CAMKMT: variants seen among roughly 807,000 people sequenced by gnomAD.
CAMKMT encodes calmodulin-lysine N-methyltransferase.
In CAMKMT, 53 loss-of-function variants were observed where a neutral mutation model predicts 48.0. That is an observed-to-expected ratio of 1.10 (90% CI 0.89 to 1.39). The LOEUF is 1.39. Ranked by LOEUF, CAMKMT falls within the 40% of genes most tolerant of loss-of-function variation. CAMKMT has a pLI of 0.00. For missense variants in CAMKMT, 428 were observed against 402.7 expected (o/e 1.06, Z -0.54); for synonymous variants, 165 against 152.3 (o/e 1.08, Z -0.61).
chr2:44,632,365 T>A (rs1368106473), intron 3 of CAMKMT, among the ~76,000 whole-genome samples: 1 of 152,208 alleles, frequency 6.6e-6, no homozygotes, highest in Non-Finnish European at 1.5e-5. Context: ...CACTTTTCTC[T>A]GGATAAATTA....
intron 3 of CAMKMT, among the ~76,000 whole-genome samples, chr2:44,439,635 G>A (rs1479711170): frequency 2.0e-5 from 3 of 151,816 alleles, no homozygotes; most frequent in Non-Finnish European, 2.9e-5. Context: ...TCAGGAGATC[G>A]AGACCATCCT....
intron 3 of CAMKMT, among the ~76,000 whole-genome samples, chr2:44,397,650 G>C (rs556810291): frequency 1.3e-5 from 2 of 152,052 alleles, no homozygotes; most frequent in South Asian, 4.2e-4. Flanking sequence ...TCAATTACCA[G>C]AGAAGGAAAA....
intron 3 of CAMKMT, among the ~76,000 whole-genome samples, chr2:44,603,265 T>A (rs1389654321): frequency 6.6e-6 from 1 of 151,002 alleles, no homozygotes; most frequent in African/African-American, 2.5e-5. Context: ...TATTTTGTAT[T>A]TTTTTAGTAG....
intron 3 of CAMKMT, among the ~76,000 whole-genome samples, chr2:44,498,717 T>A (rs1411816483): frequency 2.0e-5 from 3 of 152,204 alleles, no homozygotes; most frequent in African/African-American, 7.2e-5. Context: ...AATTGTTGAT[T>A]TCAGTGATTT....
chr2:44,405,899 T>C (rs1682744025), intron 3 of CAMKMT, among the ~76,000 whole-genome samples: 2 of 152,198 alleles, frequency 1.3e-5, no homozygotes, highest in Admixed American at 1.3e-4. Context: ...AAGGAGACTT[T>C]GGCCTTTTAT....
intron 3 of CAMKMT, among the ~76,000 whole-genome samples, chr2:44,665,945 A>G (rs981553800): frequency 7.9e-5 from 12 of 152,224 alleles, no homozygotes; most frequent in Non-Finnish European, 1.6e-4. Flanking sequence ...AGGTGGCCAA[A>G]TCACTCACCC....
chr2:44,422,723 C>G lies in CAMKMT; in HGVS notation c.376+32418C>G, dbSNP rs1036040133. On this transcript the variant is annotated intron_variant, in intron 3 of 10. Transcript: ENST00000378494. ...TTTTTTTTTTTTAATTTTCAAACAT[C>G]TCAACAGCCAGATGGAGCATAAATT... Among the ~76,000 whole-genome samples, 4 of 151,116 alleles carry G rather than the reference C, an allele frequency of 2.6e-5. No homozygotes were observed. The East Asian group carries it at 7.8e-4, about 29-fold the overall frequency.
intron 3 of CAMKMT, among the ~76,000 whole-genome samples, chr2:44,697,961 T>A (rs1293976288): frequency 6.6e-6 from 1 of 152,174 alleles, no homozygotes; most frequent in Non-Finnish European, 1.5e-5. Flanking sequence ...GAAAGGGGCT[T>A]GGTGCTACTG....
chr2:44,386,991 C>A (rs184520555), intron 2 of CAMKMT, among the ~76,000 whole-genome samples: 32 of 152,166 alleles, frequency 2.1e-4, no homozygotes, highest in African/African-American at 7.5e-4. Flanking sequence ...GTTTATTCTG[C>A]AGTTGTTGGA....
In CAMKMT at chr2:44,593,856, C is replaced by T. The variant is rs934786081; in HGVS notation, c.377-110427C>T. 1.4e-4 allele frequency among the ~76,000 whole-genome samples: 21 copies of T among 151,224 alleles called. No individual in the cohort carries two copies. The South Asian group carries it at 2.3e-3, about 17-fold the overall frequency. Reference sequence around the variant, plus strand: ...TCAGCTCACCACAACCTCTGCCTCCCGGGTTCAAGCGATTCTCCTGCCTCA... The same window carrying T: ...TCAGCTCACCACAACCTCTGCCTCCTGGGTTCAAGCGATTCTCCTGCCTCA... On this transcript the variant is annotated intron_variant, in intron 3 of 10. Coordinates refer to ENST00000378494, the MANE Select transcript of CAMKMT (RefSeq NM_024766.5).
At chr2:44,645,850 A>C (rs1673701469) in intron 3 of CAMKMT, among the ~76,000 whole-genome samples, 1 of 152,172 alleles carries the variant, frequency 6.6e-6, no homozygotes, top group East Asian at 1.9e-4. Flanking sequence ...TCAAAATCTA[A>C]GTCTAAGATA....
At chr2:44,462,121 C>T (rs974306550) in intron 3 of CAMKMT, among the ~76,000 whole-genome samples, 1 of 151,952 alleles carries the variant, frequency 6.6e-6, no homozygotes, top group Non-Finnish European at 1.5e-5. Flanking sequence ...GGGGCTTTCT[C>T]CTGTACATGG....
At chr2:44,384,015 G>C (rs1184568329) in intron 2 of CAMKMT, among the ~76,000 whole-genome samples, 1 of 152,108 alleles carries the variant, frequency 6.6e-6, no homozygotes, top group African/African-American at 2.4e-5. Flanking sequence ...TGGACCAAAT[G>C]GTAGTTCTAC....
intron 3 of CAMKMT, among the ~76,000 whole-genome samples, chr2:44,419,957 A>G (rs1270129687): frequency 6.6e-6 from 1 of 152,136 alleles, no homozygotes; most frequent in African/African-American, 2.4e-5. Context: ...ACAATAGATG[A>G]TGTAATGCCA....
intron 3 of CAMKMT, among the ~76,000 whole-genome samples, chr2:44,570,812 A>T (rs1041898856): frequency 3.3e-5 from 5 of 152,228 alleles, no homozygotes; most frequent in African/African-American, 9.6e-5. Flanking sequence ...CATGTAGGTT[A>T]TGAAGGCACA....
chr2:44,487,822 G>A (rs1417174636), intron 3 of CAMKMT, among the ~76,000 whole-genome samples: 2 of 152,258 alleles, frequency 1.3e-5, no homozygotes, highest in Non-Finnish European at 2.9e-5. Flanking sequence ...ACTAGTTTGA[G>A]TTGTCACCTT....
At chr2:44,463,665 A>G (rs1172521089) in intron 3 of CAMKMT, among the ~76,000 whole-genome samples, 2 of 152,168 alleles carry the variant, frequency 1.3e-5, no homozygotes, top group Admixed American at 1.3e-4. Context: ...AGCTTTTTGC[A>G]GCACCAAGAA....
At chr2:44,531,677 CA>C (rs1666493795) in intron 3 of CAMKMT, among the ~76,000 whole-genome samples, 1 of 152,024 alleles carries the variant, frequency 6.6e-6, no homozygotes, top group Non-Finnish European at 1.5e-5. Flanking sequence ...AGTGATACTG[CA>C]AATCTCTGTG....
chr2:44,747,152 G>A (rs776670611), intron 8 of CAMKMT, among the ~76,000 whole-genome samples: 7 of 152,112 alleles, frequency 4.6e-5, no homozygotes, highest in African/African-American at 7.2e-5. Flanking sequence ...AAGTACATTG[G>A]CCTGTAGCAA....
Sources: allele counts gnomAD v4.1 joint callset (sites outside exome capture counted in the v4.1 genomes callset), GRCh38; gene constraint gnomAD v4.1.1; transcripts MANE v1.5; gene names NCBI Gene and HGNC (gene_info 2026-07-23, HGNC 2026-07-21).